The following TMED3 variants were observed in gnomAD, a reference collection of about 807,000 sequenced individuals.
TMED3 encodes the protein transmembrane emp24 domain-containing protein 3.
Under a neutral mutation model 15.0 loss-of-function variants are expected in TMED3, and 9 were observed. That is an observed-to-expected ratio of 0.60 (90% CI 0.36 to 1.04). The LOEUF is 1.04. Ranked by LOEUF, TMED3 falls within the 50% of genes least tolerant of loss-of-function variation. The probability of loss-of-function intolerance (pLI) is 0.01; values close to 1 mark genes in which losing one functional copy is unlikely to be tolerated. For synonymous variants in TMED3, 117 were observed against 121.4 expected (o/e 0.96, Z 0.24); for missense variants, 267 against 278.9 (o/e 0.96, Z 0.30).
chr15:79,347,429 T>C (rs917156992), intron 2 of TMED3, among the ~76,000 whole-genome samples: 1 of 152,190 alleles, frequency 6.6e-6, no homozygotes, highest in Admixed American at 6.5e-5. Flanking sequence ...AACATTATAC[T>C]TAATGGGCAG....
At chr15:79,403,220 C>CAAAAAAAA (rs71150908) in intron 2 of TMED3, among the ~76,000 whole-genome samples, 4 of 65,420 alleles carry the variant, frequency 6.1e-5, no homozygotes, top group Non-Finnish European at 5.0e-5. Flanking sequence ...GACTCTGTCT[C>CAAAAAAAA]AAAAAAAAAA....
At chr15:79,336,630 C>T (rs574832837) in intron 2 of TMED3, among the ~76,000 whole-genome samples, 1 of 152,252 alleles carries the variant, frequency 6.6e-6, no homozygotes, top group African/African-American at 2.4e-5. Context: ...GCAGAGGTTG[C>T]AGTGAGCCAA....
chr15:79,348,929 G>A (rs1595895622), intron 2 of TMED3, among the ~76,000 whole-genome samples: 1 of 152,148 alleles, frequency 6.6e-6, no homozygotes, highest in Non-Finnish European at 1.5e-5. Flanking sequence ...ACTCCCAGGT[G>A]GGTGATCCTC....
At chr15:79,406,648 A>G (rs1893907240) in intron 2 of TMED3, among the ~76,000 whole-genome samples, 1 of 152,182 alleles carries the variant, frequency 6.6e-6, no homozygotes, top group South Asian at 2.1e-4. Context: ...AACTCTGGAA[A>G]CTGTAGGAGG....
chr15:79,314,869 C>T (rs1378975387), intron 2 of TMED3, among the ~76,000 whole-genome samples: 2 of 152,162 alleles, frequency 1.3e-5, no homozygotes, highest in Non-Finnish European at 2.9e-5. Context: ...CTTTCATATG[C>T]AGGCTGGGGG....
intron 2 of TMED3, among the ~76,000 whole-genome samples, chr15:79,375,998 A>C (rs570243459): frequency 6.6e-6 from 1 of 151,560 alleles, no homozygotes; most frequent in Admixed American, 6.6e-5. Flanking sequence ...TATTTAACCT[A>C]GCGATTTACT....
intron 2 of TMED3, among the ~76,000 whole-genome samples, chr15:79,318,692 G>A (rs1277685137): frequency 1.3e-5 from 2 of 152,248 alleles, no homozygotes; most frequent in Admixed American, 1.3e-4. Context: ...CCTCTTTCCT[G>A]CTTCCTTCCC....
At chr15:79,387,893 T>G (rs1277056602) in intron 2 of TMED3, among the ~76,000 whole-genome samples, 1 of 152,218 alleles carries the variant, frequency 6.6e-6, no homozygotes, top group African/African-American at 2.4e-5. Context: ...TTCTGTTTGT[T>G]GCTGGCATAT....
intron 2 of TMED3, among the ~76,000 whole-genome samples, chr15:79,314,263 A>G (rs980373527): frequency 1.6e-4 from 25 of 152,058 alleles, no homozygotes; most frequent in African/African-American, 6.0e-4. Flanking sequence ...ATTCCCACTC[A>G]GTCTTTTGCA....
chr15:79,348,829 C>A (rs8030610), intron 2 of TMED3, among the ~76,000 whole-genome samples: 1 of 151,984 alleles, frequency 6.6e-6, no homozygotes, highest in Admixed American at 6.6e-5. Context: ...CTTGTTGTGA[C>A]TTGTGTTTTT....
intron 2 of TMED3, among the ~76,000 whole-genome samples, chr15:79,409,435 G>T (rs1047227559): frequency 6.6e-6 from 1 of 152,186 alleles, no homozygotes; most frequent in South Asian, 2.1e-4. Context: ...GGTAATGATT[G>T]GAGGTGGGGC....
downstream of TMED3, among the ~76,000 whole-genome samples, chr15:79,324,174 G>A (rs1335477319): frequency 6.6e-6 from 1 of 152,096 alleles, no homozygotes; most frequent in African/African-American, 2.4e-5. Context: ...TGTATTTTTA[G>A]TAGAGACGGG....
chr15:79,368,840 C>A (rs1462957318), intron 2 of TMED3, among the ~76,000 whole-genome samples: 3 of 152,128 alleles, frequency 2.0e-5, no homozygotes, highest in African/African-American at 2.4e-5. Context: ...GCAATCCCAG[C>A]ACTTTGGGAG....
chr15:79,353,262 T>TAAAA (rs1567030532), intron 2 of TMED3, among the ~76,000 whole-genome samples: 4 of 47,022 alleles, frequency 8.5e-5, no homozygotes, highest in South Asian at 7.6e-4. Flanking sequence ...ATAATATATA[T>TAAAA]TATATATAAT....
chr15:79,334,242 A>C (rs948784856), intron 2 of TMED3, among the ~76,000 whole-genome samples: 1 of 152,206 alleles, frequency 6.6e-6, no homozygotes, highest in East Asian at 1.9e-4. Flanking sequence ...ATCACTAGCT[A>C]TGAAGAGTGG....
At chr15:79,377,585 C>G (rs948022117) in intron 2 of TMED3, among the ~76,000 whole-genome samples, 1 of 151,392 alleles carries the variant, frequency 6.6e-6, no homozygotes, top group Non-Finnish European at 1.5e-5. Context: ...TAGTGAAGGA[C>G]TCTGGTAGCA....
chr15:79,379,644 G>A (rs1173817273), intron 2 of TMED3, among the ~76,000 whole-genome samples: 1 of 152,124 alleles, frequency 6.6e-6, no homozygotes. Context: ...AAATGTGTAT[G>A]TATTTGTGTA....
At chr15:79,360,084 G>T (rs948977624) in intron 2 of TMED3, among the ~76,000 whole-genome samples, 2 of 152,204 alleles carry the variant, frequency 1.3e-5, no homozygotes, top group Non-Finnish European at 2.9e-5. Flanking sequence ...GGAAGAAAAA[G>T]TTAGGATCTG....
intron 2 of TMED3, among the ~76,000 whole-genome samples, chr15:79,356,242 T>A (rs1024907594): frequency 2.0e-5 from 3 of 152,042 alleles, no homozygotes; most frequent in Admixed American, 2.0e-4. Context: ...CTTTGAAGAG[T>A]TTAAAGTGTT....
Sources: allele counts gnomAD v4.1 joint callset (sites outside exome capture counted in the v4.1 genomes callset), GRCh38; gene constraint gnomAD v4.1.1; transcripts MANE v1.5; gene names NCBI Gene and HGNC (gene_info 2026-07-23, HGNC 2026-07-21).